FBN2: variants seen among roughly 807,000 people sequenced by gnomAD.
FBN2 encodes the protein fibrillin 2.
A neutral mutation model predicts 355.6 loss-of-function variants in FBN2; 105 were observed. The ratio of observed to expected loss-of-function variants is 0.30; its 90% confidence interval spans 0.25 to 0.35. FBN2 has a LOEUF of 0.35. Among genes scored for constraint, FBN2 ranks in the 10% least tolerant of loss-of-function variants. FBN2 has a pLI of 1.00. For synonymous variants in FBN2, 1,350 were observed against 1,301.2 expected, an observed-to-expected ratio of 1.04 and a Z score of -0.81; for missense variants, 3,280 against 3,758.7, an observed-to-expected ratio of 0.87 and a Z score of 3.33.
chr5:128,309,914 T>G, intron 40 of FBN2, 69 bp downstream of exon 40: 1 of 1,518,278 alleles, frequency 6.6e-7, no homozygotes, highest in Non-Finnish European at 9.1e-7. Flanking sequence ...ACAATAATTC[T>G]GAGACGTAAG....
chr5:128,349,664 T>A (rs1375370519), intron 22 of FBN2, among the ~76,000 whole-genome samples, 192 bp from the exon 23 acceptor site: 1 of 152,210 alleles, frequency 6.6e-6, no homozygotes, highest in Non-Finnish European at 1.5e-5. Flanking sequence ...ACCACAGCCT[T>A]GCCTGTCCAT....
chr5:128,466,881 A>G (rs1303921960), intron 5 of FBN2, among the ~76,000 whole-genome samples: 1 of 152,122 alleles, frequency 6.6e-6, no homozygotes, highest in African/African-American at 2.4e-5. Flanking sequence ...AATCTATCCT[A>G]TTGTCCTTCA....
intron 5 of FBN2, among the ~76,000 whole-genome samples, chr5:128,468,741 T>C (rs976028287): frequency 5.9e-5 from 9 of 152,314 alleles, no homozygotes; most frequent in African/African-American, 2.2e-4. Context: ...TTAGAGATGA[T>C]AAATCATGCT....
chr5:128,489,966 G>T (rs542188447), intron 5 of FBN2, among the ~76,000 whole-genome samples: 1 of 152,254 alleles, frequency 6.6e-6, no homozygotes, highest in South Asian at 2.1e-4. Flanking sequence ...GCAGACCTGG[G>T]TTTAAATCTC....
intron 5 of FBN2, among the ~76,000 whole-genome samples, chr5:128,484,903 C>T (rs1320031135): frequency 1.2e-4 from 19 of 152,144 alleles, no homozygotes; most frequent in Admixed American, 7.9e-4. Flanking sequence ...ATCACACCCA[C>T]GGGCATGTGA....
chr5:128,521,549 G>T (rs1756434978), intron 4 of FBN2, among the ~76,000 whole-genome samples: 1 of 152,082 alleles, frequency 6.6e-6, no homozygotes, highest in South Asian at 2.1e-4. Flanking sequence ...AAAAAAGAAA[G>T]ATTTAAAAAA....
chr5:128,475,670 T>C (rs1754990355), intron 5 of FBN2, among the ~76,000 whole-genome samples: 1 of 152,020 alleles, frequency 6.6e-6, no homozygotes, highest in Non-Finnish European at 1.5e-5. Flanking sequence ...AAAGATATAC[T>C]CAACGAAAAA....
In FBN2 at chr5:128,501,633, T is replaced by C. The variant is rs1168824865; in HGVS notation, c.628+17640A>G. The stretch of plus-strand genomic sequence containing the variant: ...TTCTTTGTATTACAAAGCTATTTGT[T>C]AATAAATATATAAGGAAATGAATTC... On this transcript the variant is annotated intron_variant, in intron 5 of 64. Transcript: ENST00000262464. 3.3e-5 allele frequency among the ~76,000 whole-genome samples: 5 copies of C among 152,160 alleles called. 1 individual carries two copies. The highest frequency in any genetic ancestry group is 7.4e-5 in the Non-Finnish European group (5 of 68,026).
At chr5:128,463,257 C>T (rs1754607590) in intron 6 of FBN2, among the ~76,000 whole-genome samples, 1 of 151,986 alleles carries the variant, frequency 6.6e-6, no homozygotes, top group African/African-American at 2.4e-5. Flanking sequence ...ATAGAAGAAA[C>T]TGTTGCACTA....
At chr5:128,351,155 G>T in intron 20 of FBN2, 150 bp from the exon 21 acceptor site, 1 of 946,268 alleles carries the variant, frequency 1.1e-6, no homozygotes, top group Non-Finnish European at 1.6e-6. Flanking sequence ...GGCTGAGGAG[G>T]AAGGATCATT....
At chr5:128,338,162 G>A in intron 26 of FBN2, 40 bp from the exon 27 acceptor site, 1 of 1,606,078 alleles carries the variant, frequency 6.2e-7, no homozygotes, top group Non-Finnish European at 8.5e-7. Context: ...AGAACTCTGA[G>A]GGAAAAATAT....
chr5:128,303,172 G>A (rs1021126396), intron 45 of FBN2, 83 bp from the exon 46 acceptor site: 16 of 816,122 alleles, frequency 2.0e-5, no homozygotes, highest in African/African-American at 1.7e-4. Flanking sequence ...TTTAACTTAT[G>A]GAATTACTTA....
At chr5:128,461,855 G>A (rs1282207732) in intron 6 of FBN2, among the ~76,000 whole-genome samples, 1 of 150,616 alleles carries the variant, frequency 6.6e-6, no homozygotes, top group Non-Finnish European at 1.5e-5. Flanking sequence ...CTGTTGGGGG[G>A]TCGGGGGAGG....
intron 6 of FBN2, among the ~76,000 whole-genome samples, chr5:128,452,235 C>T (rs1754269732): frequency 6.6e-6 from 1 of 152,138 alleles, no homozygotes; most frequent in African/African-American, 2.4e-5. Flanking sequence ...TCTCCAATGA[C>T]CAGACTGTAC....
intron 5 of FBN2, among the ~76,000 whole-genome samples, chr5:128,497,182 T>C (rs1303414136): frequency 1.3e-5 from 2 of 152,136 alleles, no homozygotes; most frequent in Admixed American, 6.5e-5. Flanking sequence ...GTTCCTTGTT[T>C]TGAGTTATAA....
chr5:128,477,611 G>C lies in FBN2; in HGVS notation c.629-12690C>G, dbSNP rs565819135. On this transcript the variant is annotated intron_variant, in intron 5 of 64. Coordinates refer to ENST00000262464, the MANE Select transcript of FBN2 (RefSeq NM_001999.4). The stretch of plus-strand genomic sequence containing the variant: ...ATTTTACTTAATCTGTACAATAACC[G>C]TATTTGGTCAGCATGAATAGCTTTC... Among the ~76,000 whole-genome samples the C allele has an allele frequency of 2.6e-5, 4 of 152,212 alleles. No individual in the cohort carries two copies. The East Asian group carries it at 7.7e-4, about 29-fold the overall frequency.
intron 6 of FBN2, among the ~76,000 whole-genome samples, chr5:128,448,599 C>T (rs1291278270): frequency 6.6e-6 from 1 of 152,028 alleles, no homozygotes; most frequent in Non-Finnish European, 1.5e-5. Context: ...GAGCCATGAG[C>T]CACCGTGCCT....
intron 32 of FBN2, 85 bp from the exon 33 acceptor site, chr5:128,330,780 T>A: frequency 1.4e-6 from 2 of 1,424,124 alleles, no homozygotes; most frequent in African/African-American, 1.4e-5. Context: ...AATTTACATA[T>A]AAACTGGATA....
chr5:128,313,876 A>AAAAC (rs1554120603), intron 36 of FBN2, among the ~76,000 whole-genome samples: 5 of 149,970 alleles, frequency 3.3e-5, no homozygotes, highest in African/African-American at 1.2e-4. Context: ...AAAAAAAAAA[A>AAAAC]CATATCTGGA....
Sources: gnomAD v4.1 joint callset for allele counts (sites outside exome capture counted in the v4.1 genomes callset) on GRCh38, gnomAD v4.1.1 for gene constraint, MANE v1.5 for transcripts, NCBI Gene and HGNC (gene_info 2026-07-23, HGNC 2026-07-21) for gene names.